BRD1: variants seen among roughly 807,000 people sequenced by gnomAD.
BRD1 encodes bromodomain containing 1, also known as bromodomain-containing protein 1.
Under a neutral mutation model 107.7 loss-of-function variants are expected in BRD1, and 24 were observed. That is an observed-to-expected ratio of 0.22 (90% confidence interval 0.16 to 0.31). The LOEUF (loss-of-function observed/expected upper bound fraction) is 0.31, where lower values mean the gene tolerates loss of function less well. Among genes scored for constraint, BRD1 ranks in the 10% least tolerant of loss-of-function variants. The pLI, the probability that BRD1 is intolerant of heterozygous loss-of-function variation, is 1.00. For missense variants in BRD1, 1,279 were observed against 1,638.6 expected, an observed-to-expected ratio of 0.78 and a Z score of 3.79; for synonymous variants, 744 against 686.1, an observed-to-expected ratio of 1.08 and a Z score of -1.32.
intron 2 of BRD1, among the ~76,000 whole-genome samples, chr22:49,815,461 T>C (rs1289160193): frequency 1.3e-5 from 2 of 151,856 alleles, no homozygotes; most frequent in Admixed American, 1.3e-4. Flanking sequence ...GAGAATCGCT[T>C]GAACCCAGGG....
chr22:49,796,481 G>A (rs776769413), intron 6 of BRD1, among the ~76,000 whole-genome samples: 2 of 151,646 alleles, frequency 1.3e-5, no homozygotes, highest in Admixed American at 6.6e-5. Context: ...CTCAGCCTCC[G>A]AAATAGCTGG....
intron 2 of BRD1, among the ~76,000 whole-genome samples, chr22:49,819,493 T>C (rs1377687620): frequency 6.6e-6 from 1 of 151,990 alleles, no homozygotes; most frequent in Non-Finnish European, 1.5e-5. Flanking sequence ...GTCGAGGCTG[T>C]AGTGAGCCAT....
intron 8 of BRD1, among the ~76,000 whole-genome samples, chr22:49,781,598 A>AGCCCGCCCCT (rs542672773): frequency 6.6e-6 from 1 of 152,180 alleles, no homozygotes; most frequent in Non-Finnish European, 1.5e-5. Context: ...ACGGGATACA[A>AGCCCGCCCCT]GCCCGCCCCT....
chr22:49,824,507 C>G lies in BRD1; in HGVS notation c.-14-176G>C. ...ACCACACATCCAGGCCTGAGCGAGT[C>G]CCCAGGACCAGGGAGGGAGCAGCAG... On this transcript the variant is annotated intron_variant, in intron 1 of 12. Coordinates refer to ENST00000404760, the MANE Select transcript of BRD1 (RefSeq NM_001304808.3). This position sits in a 1 kb window ranked among gnomAD's most constrained non-coding sequence, Gnocchi z 5.9. 7.0e-7 allele frequency: 1 copy of G among 1,420,748 alleles called. No individual in the cohort carries two copies. The highest frequency in any genetic ancestry group is 9.2e-7 in the Non-Finnish European group (1 of 1,092,574). 88.0% of individuals were successfully genotyped at this position (1,420,748 alleles called of 1,614,324 possible). A position where few individuals can be genotyped will look rare whatever the true frequency, so the allele number is the denominator to read the frequency against.
intron 3 of BRD1, among the ~76,000 whole-genome samples, chr22:49,800,432 G>A (rs1200757377): frequency 3.9e-5 from 6 of 152,078 alleles, no homozygotes; most frequent in African/African-American, 1.4e-4. Context: ...AGGAAAATGT[G>A]GGCTCCAAAA....
chr22:49,806,135 C>T (rs1367633675), intron 2 of BRD1: 1 of 152,156 alleles, frequency 6.6e-6, no homozygotes, highest in African/African-American at 2.4e-5. Context: ...TCCCGAAGTA[C>T]TGGGATTACA....
chr22:49,775,836 C>CGCCCCCCG, intron 11 of BRD1, 91 bp from the exon 12 acceptor site: 1 of 1,270,248 alleles, frequency 7.9e-7, no homozygotes, highest in African/African-American at 2.4e-5. Context: ...CCTCCCCACC[C>CGCCCCCCG]CAGCTGTGTG....
chr22:49,812,839 C>A (rs527669352), intron 2 of BRD1, among the ~76,000 whole-genome samples: 1 of 152,210 alleles, frequency 6.6e-6, no homozygotes, highest in South Asian at 2.1e-4. Context: ...GGACCTCACA[C>A]GCCAGGACCG....
At position 49,794,037 on chromosome 22, in the gene BRD1, C is replaced by G. The variant is rs756168966; in HGVS notation, c.2356G>C (p.Glu786Gln). 1.2e-6 allele frequency: 2 copies of G among 1,610,920 alleles called. No individual in the cohort carries two copies. The highest frequency in any genetic ancestry group is 1.1e-5 in the South Asian group (1 of 90,924). ...GGCAGCCCTCACCGTGGCTTACCTT[C>G]CTCGCCCGCCTCCGGCCCCAGCGCA... is the stretch of plus-strand genomic sequence containing the variant. ...GAALGPEAGE[E>Q]GDKSPPKLEP... Residue 786 changes from glutamate to glutamine, a missense_variant, in exon 7 of 13, where the codon GAA becomes CAA. Glu to Gln is a conservative substitution (Grantham distance 29). Coordinates refer to ENST00000404760, the MANE Select transcript of BRD1 (RefSeq NM_001304808.3).
chr22:49,816,867 C>T (rs912403247), intron 2 of BRD1, among the ~76,000 whole-genome samples: 5 of 152,242 alleles, frequency 3.3e-5, no homozygotes, highest in South Asian at 2.1e-4. Flanking sequence ...CTCTGGACTG[C>T]GGGGGCCAAG....
chr22:49,793,290 G>A (rs1467383671), intron 7 of BRD1, among the ~76,000 whole-genome samples: 1 of 152,220 alleles, frequency 6.6e-6, no homozygotes, highest in Non-Finnish European at 1.5e-5. Flanking sequence ...CAACCTAGAT[G>A]TACACAGACC....
intron 2 of BRD1, among the ~76,000 whole-genome samples, chr22:49,811,065 T>C (rs2147270195): frequency 6.6e-6 from 1 of 152,092 alleles, no homozygotes; most frequent in Admixed American, 6.5e-5. Flanking sequence ...TACGCAGCCG[T>C]GAAAAGGAAT....
intron 2 of BRD1, among the ~76,000 whole-genome samples, chr22:49,819,671 G>A (rs983251166): frequency 7.9e-5 from 12 of 151,232 alleles, no homozygotes; most frequent in African/African-American, 2.9e-4. Flanking sequence ...GGCTGGTCTC[G>A]AACTCCTGAC....
At chr22:49,798,929 C>A (rs761734989) in intron 4 of BRD1, 59 bp downstream of exon 4, 2 of 1,535,948 alleles carry the variant, frequency 1.3e-6, no homozygotes, top group African/African-American at 1.4e-5. Context: ...GAGCTGCCAG[C>A]GTCCCACCCA....
chr22:49,816,089 C>T (rs138870), intron 2 of BRD1, among the ~76,000 whole-genome samples: 54,300 of 152,070 alleles, frequency 0.36, 14,134 homozygotes, highest in African/African-American at 0.74. Context: ...GCTCTCCCCA[C>T]TGGGCACTGA....
At chr22:49,814,042 C>T (rs900602324) in intron 2 of BRD1, among the ~76,000 whole-genome samples, 7 of 151,908 alleles carry the variant, frequency 4.6e-5, no homozygotes, top group African/African-American at 1.2e-4. Flanking sequence ...TACACACTGA[C>T]GGGTGCACGA....
At chr22:49,816,867 C>G (rs912403247) in intron 2 of BRD1, among the ~76,000 whole-genome samples, 31 of 152,240 alleles carry the variant, frequency 2.0e-4, no homozygotes, top group African/African-American at 6.3e-4. Flanking sequence ...CTCTGGACTG[C>G]GGGGGCCAAG....
rs751791848 is a variant in BRD1 at position 49,777,740 on chromosome 22, G to C, written c.2931C>G (p.Pro977=). The C allele has an allele frequency of 1.2e-6, 2 of 1,607,218 alleles. No individual in the cohort carries two copies. The highest frequency in any genetic ancestry group is 1.7e-6 in the Non-Finnish European group (2 of 1,178,138). ...PGGGLGRKAT[P]RRRCASESSI... ...TGGACTCGGAGGCACAGCGTCGTCG[G>C]GGTGTGGCCTTCCTCCCCAGGCCGC... The change falls in exon 9 of 13, where the codon CCC becomes CCG. Residue 977 remains proline, a synonymous_variant. Transcript: ENST00000404760.
At chr22:49,814,823 A>T (rs775423689) in intron 2 of BRD1, among the ~76,000 whole-genome samples, 10 of 152,158 alleles carry the variant, frequency 6.6e-5, no homozygotes, top group Non-Finnish European at 1.2e-4. Context: ...ACTTCACATA[A>T]ATTTTCAACC....
Sources: gnomAD v4.1 joint callset for allele counts (sites outside exome capture counted in the v4.1 genomes callset) on GRCh38, gnomAD v4.1.1 for gene constraint, Gnocchi (gnomAD v3.1) non-coding constraint, MANE v1.5 for transcripts, NCBI Gene and HGNC (gene_info 2026-07-23, HGNC 2026-07-21) for gene names.